Variants in MACROD2 observed in about 807,000 individuals in gnomAD.
The protein encoded by MACROD2 is mono-ADP ribosylhydrolase 2.
MACROD2 carries 36 observed loss-of-function variants against 70.4 expected under a neutral mutation model. The ratio of observed to expected loss-of-function variants is 0.51; its 90% confidence interval spans 0.39 to 0.68. The LOEUF is 0.68. Ranked by LOEUF, MACROD2 falls within the 30% of genes least tolerant of loss-of-function variation. The pLI is 0.00. For synonymous variants in MACROD2, 172 were observed against 178.8 expected (o/e 0.96, Z 0.30); for missense variants, 496 against 538.4 (o/e 0.92, Z 0.78).
intron 8 of MACROD2, among the ~76,000 whole-genome samples, chr20:15,639,989 G>A (rs955193392): frequency 6.7e-6 from 1 of 149,792 alleles, no homozygotes; most frequent in Admixed American, 6.6e-5. Flanking sequence ...GAGGGGGTGA[G>A]AGAGAAGGAG....
rs116975175 is a variant in MACROD2, at chr20:14,198,477, C to T, written c.271+112749C>T. Among the ~76,000 whole-genome samples the T allele has an allele frequency of 2.4e-3, 358 of 152,234 alleles. 8 individuals carry two copies. The East Asian group carries it at 0.052, about 22-fold the overall frequency. ...ATCAATCACTGTGTTTCTTATTATT[C>T]GGTTAGAAACTTGATTTTACCGCTT... On this transcript the variant is annotated intron_variant, in intron 3 of 17. Transcript: ENST00000684519.
intron 5 of MACROD2, among the ~76,000 whole-genome samples, chr20:14,881,200 C>T (rs572051843): frequency 1.3e-5 from 2 of 151,542 alleles, no homozygotes; most frequent in African/African-American, 4.8e-5. Context: ...CATTCTCTTC[C>T]TGCTGGAATT....
intron 7 of MACROD2, among the ~76,000 whole-genome samples, chr20:15,487,246 C>G (rs1302361568): frequency 6.6e-6 from 1 of 152,112 alleles, no homozygotes; most frequent in Non-Finnish European, 1.5e-5. Context: ...TTATCTAATC[C>G]AGCACTCTCA....
chr20:15,032,248 G>A (rs1294955714), intron 5 of MACROD2, among the ~76,000 whole-genome samples: 5 of 152,184 alleles, frequency 3.3e-5, no homozygotes, highest in African/African-American at 1.2e-4. Context: ...GTGGCTGGGC[G>A]ACTGCAGCTC....
intron 5 of MACROD2, among the ~76,000 whole-genome samples, chr20:15,010,729 A>G (rs1205002505): frequency 6.6e-6 from 1 of 152,220 alleles, no homozygotes; most frequent in Non-Finnish European, 1.5e-5. Flanking sequence ...ATATAATAAT[A>G]ACAATAAACC....
At chr20:15,559,558 T>C (rs546303923) in intron 8 of MACROD2, among the ~76,000 whole-genome samples, 27 of 152,338 alleles carry the variant, frequency 1.8e-4, no homozygotes, top group East Asian at 1.2e-3. Flanking sequence ...CTTGGAAGAA[T>C]TGAGGACAAA....
At chr20:14,098,427 TTACTACA>T (rs1354252112) in intron 3 of MACROD2, among the ~76,000 whole-genome samples, 1 of 152,206 alleles carries the variant, frequency 6.6e-6, no homozygotes, top group Non-Finnish European at 1.5e-5. Context: ...CAATGTGTTT[TTACTACA>T]TTAGTTGTGA....
intron 5 of MACROD2, among the ~76,000 whole-genome samples, chr20:15,176,064 G>T (rs933397786): frequency 6.6e-6 from 1 of 152,232 alleles, no homozygotes; most frequent in African/African-American, 2.4e-5. Context: ...CTGAGGCTGG[G>T]TGCTGTTGCA....
chr20:15,751,971 A>T (rs1210611465), intron 8 of MACROD2, among the ~76,000 whole-genome samples: 1 of 151,940 alleles, frequency 6.6e-6, no homozygotes, highest in Non-Finnish European at 1.5e-5. Flanking sequence ...TCTGTAATAG[A>T]AAAGCTGAAA....
intron 8 of MACROD2, among the ~76,000 whole-genome samples, chr20:15,727,972 G>T (rs906281929): frequency 1.3e-5 from 2 of 151,204 alleles, no homozygotes; most frequent in African/African-American, 4.8e-5. Flanking sequence ...TGTTGAATAG[G>T]GGAGGTATTC....
intron 5 of MACROD2, among the ~76,000 whole-genome samples, chr20:15,150,425 C>G (rs768892835): frequency 3.3e-5 from 5 of 152,176 alleles, no homozygotes; most frequent in Non-Finnish European, 7.4e-5. Context: ...GGCACAGATC[C>G]TGAACTAATC....
chr20:14,144,435 C>T (rs2054918208), intron 3 of MACROD2, among the ~76,000 whole-genome samples: 1 of 152,142 alleles, frequency 6.6e-6, no homozygotes, highest in South Asian at 2.1e-4. Flanking sequence ...TGTTTCTGTT[C>T]ATTTATTGAT....
chr20:14,877,088 CATGGA>C lies in MACROD2; in HGVS notation c.418+192133_418+192137del, dbSNP rs1160275018. 5.9e-5 allele frequency among the ~76,000 whole-genome samples: 9 copies of C among 152,264 alleles called. 1 individual carries two copies. The highest frequency in any genetic ancestry group is 8.8e-5 in the Non-Finnish European group (6 of 68,020). ...GATATATACTCTTCCAATCCATGAG[CATGGA>C]ATGTTTTTCCATCTGTTTGTGTCAT... On this transcript the variant is annotated intron_variant, in intron 5 of 17. Coordinates refer to ENST00000684519, the MANE Select transcript of MACROD2 (RefSeq NM_001351661.2).
chr20:15,679,647 C>A (rs2050133094), intron 8 of MACROD2, among the ~76,000 whole-genome samples: 1 of 152,178 alleles, frequency 6.6e-6, no homozygotes, highest in African/African-American at 2.4e-5. Context: ...CCTATCTACC[C>A]TGCTGCAACA....
chr20:14,033,295 GTTTA>G (rs1354592061), intron 2 of MACROD2, among the ~76,000 whole-genome samples: 3 of 151,638 alleles, frequency 2.0e-5, no homozygotes, highest in African/African-American at 7.3e-5. Context: ...CTTGCGATCT[GTTTA>G]TTAACTCTTG....
intron 5 of MACROD2, among the ~76,000 whole-genome samples, chr20:15,079,089 T>G (rs991351167): frequency 1.2e-4 from 18 of 152,190 alleles, no homozygotes; most frequent in Non-Finnish European, 2.4e-4. Flanking sequence ...TCCTTGTTCA[T>G]AAAAATCATT....
chr20:15,225,492 C>T (rs1377457377), intron 5 of MACROD2, among the ~76,000 whole-genome samples: 4 of 152,180 alleles, frequency 2.6e-5, no homozygotes, highest in Non-Finnish European at 4.4e-5. Context: ...TTCTGTCACT[C>T]TTCTAGTAGG....
chr20:14,325,589 C>A (rs1366465085), intron 3 of MACROD2: 1 of 1,612,534 alleles, frequency 6.2e-7, no homozygotes, highest in African/African-American at 1.3e-5. Context: ...TCTGGAATAC[C>A]ACTGTCTCTG....
At chr20:14,844,852 T>A (rs2073123701) in intron 5 of MACROD2, among the ~76,000 whole-genome samples, 1 of 152,150 alleles carries the variant, frequency 6.6e-6, no homozygotes, top group Non-Finnish European at 1.5e-5. Flanking sequence ...ATTCAAGCTC[T>A]TTACATTCTG....
Sources: allele counts gnomAD v4.1 joint callset (sites outside exome capture counted in the v4.1 genomes callset), GRCh38; gene constraint gnomAD v4.1.1; transcripts MANE v1.5; gene names NCBI Gene and HGNC (gene_info 2026-07-23, HGNC 2026-07-21).